PCSK5: variants seen among roughly 807,000 people sequenced by gnomAD.
PCSK5 encodes prohormone convertase 5.
PCSK5 carries 129 observed loss-of-function variants against 233.2 expected under a neutral mutation model. That is an observed-to-expected ratio of 0.55 (90% CI 0.48 to 0.64). The LOEUF is 0.64. Among genes scored for constraint, PCSK5 ranks in the 30% least tolerant of loss-of-function variants. The pLI is 0.00. For missense variants in PCSK5, 2,076 were observed against 2,430.1 expected, an observed-to-expected ratio of 0.85 and a Z score of 3.06; for synonymous variants, 825 against 879.2, an observed-to-expected ratio of 0.94 and a Z score of 1.09.
At position 76,071,803 on chromosome 9, in the gene PCSK5, A is replaced by G. The variant is rs751901671; in HGVS notation, c.799A>G (p.Ile267Val). The change falls in exon 7 of 38, where the codon ATT becomes GTT. Residue 267 changes from isoleucine to valine, a missense_variant. This residue lies in a region of PCSK5 where 178 missense variants were observed against 393.6 expected (regional missense o/e 0.45). Transcript: ENST00000674117. ...SVSFNPQHVH[I>V]YSASWGPDDD... ...TAGCTTCAACCCCCAGCACGTGCAC[A>G]TTTACAGCGCCAGCTGGGGCCCGGA... 2.5e-6 allele frequency: 4 copies of G among 1,614,192 alleles called. No individual in the cohort carries two copies. Among genetic ancestry groups the G allele is most frequent in the Non-Finnish European group, 3.4e-6 (4 of 1,180,028 alleles).
intron 24 of PCSK5, among the ~76,000 whole-genome samples, chr9:76,268,098 T>C (rs937860266): frequency 2.0e-5 from 3 of 152,218 alleles, no homozygotes; most frequent in African/African-American, 7.2e-5. Context: ...CAGCAAATAA[T>C]GTAAAAATAT....
intron 20 of PCSK5, among the ~76,000 whole-genome samples, chr9:76,209,952 G>A (rs988319502): frequency 5.3e-5 from 8 of 152,300 alleles, no homozygotes; most frequent in African/African-American, 1.9e-4. Context: ...ATGAGTAGAA[G>A]TTTGCTGGAA....
intron 37 of PCSK5, among the ~76,000 whole-genome samples, chr9:76,354,832 A>T (rs1179175238): frequency 1.3e-5 from 2 of 152,106 alleles, no homozygotes; most frequent in Non-Finnish European, 2.9e-5. Context: ...TGCCTCCAAG[A>T]CTAGAACTCA....
intron 27 of PCSK5, among the ~76,000 whole-genome samples, chr9:76,301,253 C>T (rs1202944307): frequency 1.4e-5 from 2 of 141,208 alleles, no homozygotes; most frequent in Non-Finnish European, 3.0e-5. Flanking sequence ...GCCTGGGCAA[C>T]AGAGCGCGAC....
At position 76,175,260 on chromosome 9, in the gene PCSK5, T is replaced by TC. The variant is rs758026606; in HGVS notation, c.1900+131_1900+132insC. 2.7e-3 allele frequency: 1,868 copies of TC among 703,720 alleles called. 3 individuals are homozygous for TC. Among genetic ancestry groups the TC allele is most frequent in the Non-Finnish European group, 3.7e-3 (1,506 of 406,292 alleles). The allele number at this position is 703,720 out of a possible 1,614,324, so 43.6% of individuals were successfully genotyped here. ...TGAAATGGAATGGAATGGAATGGAA[T>TC]GGAATGGAATGGAATCGAATCGAAT... On this transcript the variant is annotated intron_variant, in intron 14 of 37. Coordinates refer to ENST00000674117, the MANE Select transcript of PCSK5 (RefSeq NM_001372043.1).
intron 2 of PCSK5, among the ~76,000 whole-genome samples, chr9:75,948,765 C>G (rs1459288224): frequency 6.6e-6 from 1 of 152,080 alleles, no homozygotes; most frequent in South Asian, 2.1e-4. Flanking sequence ...GAACTAATTT[C>G]CACTCCCACC....
At chr9:76,124,521 C>CAGATCAGG (rs1252445480) in intron 9 of PCSK5, among the ~76,000 whole-genome samples, 1 of 107,844 alleles carries the variant, frequency 9.3e-6, no homozygotes, top group Non-Finnish European at 2.1e-5. Context: ...CCGAGGCAGG[C>CAGATCAGG]AGATCAGGAG....
At chr9:76,188,544 A>T (rs759815766) in intron 17 of PCSK5, 34 bp from the exon 18 acceptor site, 16 of 1,429,358 alleles carry the variant, frequency 1.1e-5, no homozygotes, top group Non-Finnish European at 1.4e-5. Context: ...TCATCACAAC[A>T]GTCTGTTTGA....
At chr9:76,262,387 C>T (rs1231447593) in intron 24 of PCSK5, among the ~76,000 whole-genome samples, 1 of 152,262 alleles carries the variant, frequency 6.6e-6, no homozygotes, top group Middle Eastern at 3.4e-3. Context: ...TACTATGAGG[C>T]TACAGTAACC....
intron 2 of PCSK5, among the ~76,000 whole-genome samples, chr9:75,951,946 A>C (rs1824879983): frequency 6.6e-6 from 1 of 152,164 alleles, no homozygotes; most frequent in East Asian, 1.9e-4. Context: ...ATTCTTTAGA[A>C]CTGATGTCCC....
intron 24 of PCSK5, among the ~76,000 whole-genome samples, chr9:76,248,674 C>A (rs939042019): frequency 2.0e-5 from 3 of 152,156 alleles, no homozygotes; most frequent in Admixed American, 1.3e-4. Context: ...TGCTGGTTAC[C>A]AACTTAAACA....
chr9:76,244,219 C>T (rs562997392), intron 24 of PCSK5, among the ~76,000 whole-genome samples: 2 of 152,258 alleles, frequency 1.3e-5, no homozygotes, highest in East Asian at 3.9e-4. Flanking sequence ...GAGCAAGATC[C>T]TTTCTCTAAA....
At chr9:76,208,990 A>G (rs1825224021) in intron 20 of PCSK5, among the ~76,000 whole-genome samples, 1 of 152,186 alleles carries the variant, frequency 6.6e-6, no homozygotes, top group Non-Finnish European at 1.5e-5. Flanking sequence ...TTGGCAGTGA[A>G]CTTCTGTGCT....
rs1432147993 is a variant in PCSK5 at position 76,359,182 on chromosome 9, G to A, written c.*260G>A. 4.4e-6 allele frequency: 2 copies of A among 449,452 alleles called. No homozygotes were observed. Among genetic ancestry groups the A allele is most frequent in the Non-Finnish European group, 8.0e-6 (2 of 249,024 alleles). 27.8% of individuals were successfully genotyped at this position (449,452 alleles called of 1,614,324 possible). A position where few individuals can be genotyped will look rare whatever the true frequency, so the allele number is the denominator to read the frequency against. ...AGAGGCATTTTCCTCAAAATAATGT[G>A]TTAAGACACAAAAATGAAGGAAGTG... On this transcript the variant is annotated 3_prime_UTR_variant, in exon 38 of 38. Transcript: ENST00000674117.
At chr9:75,933,859 A>G (rs566949743) in intron 2 of PCSK5, among the ~76,000 whole-genome samples, 26 of 152,318 alleles carry the variant, frequency 1.7e-4, no homozygotes, top group African/African-American at 5.8e-4. Flanking sequence ...AACTTTTTTG[A>G]AGCTTTTCTT....
At chr9:76,351,427 C>A (rs548557310) in intron 36 of PCSK5, among the ~76,000 whole-genome samples, 2 of 106,752 alleles carry the variant, frequency 1.9e-5, no homozygotes, top group African/African-American at 7.3e-5. Flanking sequence ...AAACCGCCCC[C>A]CCCTGCAATG....
chr9:76,112,904 G>A (rs993667700), intron 9 of PCSK5, among the ~76,000 whole-genome samples: 3 of 152,226 alleles, frequency 2.0e-5, no homozygotes, highest in African/African-American at 7.2e-5. Context: ...TGGAACATTG[G>A]TTCCATAGAA....
chr9:75,949,631 A>ATG (rs1824749901), intron 2 of PCSK5, among the ~76,000 whole-genome samples: 2 of 151,964 alleles, frequency 1.3e-5, no homozygotes, highest in Non-Finnish European at 2.9e-5. Context: ...GGGTTCAAGC[A>ATG]ATTCCCCTGC....
chr9:75,892,105 C>T (rs1008426820), intron 1 of PCSK5, among the ~76,000 whole-genome samples: 6 of 152,090 alleles, frequency 3.9e-5, no homozygotes, highest in African/African-American at 1.4e-4. Context: ...AACGAGGAGT[C>T]TTACCCCGGG....
Sources: allele counts gnomAD v4.1 joint callset (sites outside exome capture counted in the v4.1 genomes callset), GRCh38; gene constraint gnomAD v4.1.1; regional missense constraint gnomAD v4.1.1; transcripts MANE v1.5; gene names NCBI Gene and HGNC (gene_info 2026-07-23, HGNC 2026-07-21).